Variants in RREB1 observed in about 807,000 individuals in gnomAD.
RREB1 encodes the protein ras-responsive element-binding protein 1.
Under a neutral mutation model 117.8 loss-of-function variants are expected in RREB1, and 27 were observed. The observed-to-expected ratio is 0.23, with a 90% CI of 0.17 to 0.32. The LOEUF (loss-of-function observed/expected upper bound fraction) is 0.32. RREB1 is among the 10% of genes least tolerant of loss of function. RREB1 has a pLI of 1.00. For synonymous variants in RREB1, 1,298 were observed against 1,026.7 expected, an observed-to-expected ratio of 1.26 and a Z score of -5.05; for missense variants, 2,577 against 2,378.2, an observed-to-expected ratio of 1.08 and a Z score of -1.74.
intron 6 of RREB1, among the ~76,000 whole-genome samples, chr6:7,203,481 C>T (rs6921580): frequency 6.6e-6 from 1 of 152,064 alleles, no homozygotes; most frequent in Non-Finnish European, 1.5e-5. Flanking sequence ...AGGAACTGCT[C>T]TCTCCAAATA....
rs201163655 is a variant in RREB1, at chr6:7,247,264, G to C, written c.4771+43G>C. The C allele has an allele frequency of 5.5e-5, 86 of 1,557,852 alleles. No homozygotes were observed. In the African/African-American group the frequency reaches 7.9e-4, roughly 14 times the overall value. ...GGTCCCCGGCCCAACAAGAGGAGGCGAGCCGGGCACCTCTCCTAGGAGCTC... is the reference window on the plus strand; with the variant it reads ...GGTCCCCGGCCCAACAAGAGGAGGCCAGCCGGGCACCTCTCCTAGGAGCTC... On this transcript the variant is annotated intron_variant, in intron 12 of 12. Transcript: ENST00000379938.
chr6:7,238,265 A>AGTCT (rs747637813), intron 10 of RREB1, among the ~76,000 whole-genome samples: 61 of 152,200 alleles, frequency 4.0e-4, no homozygotes, highest in African/African-American at 1.5e-3. Flanking sequence ...TTTGAGACAG[A>AGTCT]GTCTGTCTGT....
intron 1 of RREB1, among the ~76,000 whole-genome samples, chr6:7,108,859 G>A (rs1187608493): frequency 1.3e-5 from 2 of 151,462 alleles, no homozygotes; most frequent in Non-Finnish European, 3.0e-5. Context: ...GCCCTCGCGG[G>A]TTCCCGGCTG....
intron 6 of RREB1, among the ~76,000 whole-genome samples, chr6:7,200,169 C>G (rs977594700): frequency 6.6e-6 from 1 of 150,420 alleles, no homozygotes; most frequent in African/African-American, 2.5e-5. Flanking sequence ...ACAATCAGCA[C>G]AGCTTATTTT....
At chr6:7,243,820 T>G (rs985184958) in intron 11 of RREB1, among the ~76,000 whole-genome samples, 2 of 152,226 alleles carry the variant, frequency 1.3e-5, no homozygotes, top group African/African-American at 4.8e-5. Context: ...GTTTCAAAAT[T>G]TATTTTACTT....
At chr6:7,138,388 C>T (rs1386681328) in intron 1 of RREB1, among the ~76,000 whole-genome samples, 1 of 152,194 alleles carries the variant, frequency 6.6e-6, no homozygotes, top group Non-Finnish European at 1.5e-5. Flanking sequence ...AAGTTTCATT[C>T]TGAAGGATCT....
At chr6:7,200,595 G>GA (rs983662320) in intron 6 of RREB1, among the ~76,000 whole-genome samples, 89 of 152,260 alleles carry the variant, frequency 5.8e-4, no homozygotes, top group African/African-American at 1.9e-3. Flanking sequence ...AGAAATATTT[G>GA]AAAAACCTCT....
chr6:7,247,261 G>A (rs752140941), intron 12 of RREB1, 40 bp downstream of exon 12: 1 of 1,563,270 alleles, frequency 6.4e-7, no homozygotes, highest in South Asian at 1.2e-5. Context: ...AACAAGAGGA[G>A]GCGAGCCGGG....
At chr6:7,197,655 G>C (rs1276466353) in intron 6 of RREB1, among the ~76,000 whole-genome samples, 2 of 152,324 alleles carry the variant, frequency 1.3e-5, no homozygotes, top group East Asian at 3.9e-4. Flanking sequence ...AACAAAGCAA[G>C]ACTTTGCCTC....
rs1451175035 is a variant in RREB1 at position 7,230,584 on chromosome 6, G to T, written c.2485G>T (p.Asp829Tyr). The T allele has an allele frequency of 3.0e-5, 48 of 1,602,960 alleles. No homozygotes were observed. The highest frequency in any genetic ancestry group is 3.7e-5 in the Non-Finnish European group (43 of 1,175,850). ...CATCGAGAGCTACGTGCTGGCCGCC[G>T]ACGGCCTGGGCCCCGCAGAGGCGCC... ...QDIESYVLAA[D>Y]GLGPAEAPAA... Residue 829 changes from aspartate (D) to tyrosine (Y), a missense_variant, in exon 10 of 13, where the codon GAC (aspartate) becomes TAC (tyrosine). Transcript: ENST00000379938.
chr6:7,247,926 A>C (rs1769192392), intron 12 of RREB1, among the ~76,000 whole-genome samples: 1 of 152,196 alleles, frequency 6.6e-6, no homozygotes, highest in African/African-American at 2.4e-5. Flanking sequence ...TGCAGCCCGC[A>C]GTGAACACAT....
At chr6:7,220,005 C>A (rs987763672) in intron 8 of RREB1, among the ~76,000 whole-genome samples, 1 of 152,160 alleles carries the variant, frequency 6.6e-6, no homozygotes, top group Non-Finnish European at 1.5e-5. Context: ...AGCCCCAATT[C>A]CACACACCCC....
At chr6:7,166,692 G>A (rs1763945073) in intron 1 of RREB1, among the ~76,000 whole-genome samples, 1 of 152,196 alleles carries the variant, frequency 6.6e-6, no homozygotes, top group African/African-American at 2.4e-5. Context: ...TCAAACGCTT[G>A]TATCTTCCAC....
rs958394380 is a variant in RREB1, at chr6:7,126,600, G to A, written c.-285+18540G>A. ...TTTGAAACTAGTAACAGAGAATTAC[G>A]TCTTGTGTGCTACCAGCTCAGTTAT... On this transcript the variant is annotated intron_variant, in intron 1 of 12. Coordinates refer to ENST00000379938, the MANE Select transcript of RREB1 (RefSeq NM_001003699.4). 5.9e-5 allele frequency among the ~76,000 whole-genome samples: 9 copies of A among 152,140 alleles called. 1 individual carries two copies. Among genetic ancestry groups the A allele is most frequent in the Non-Finnish European group, 8.8e-5 (6 of 68,040 alleles).
chr6:7,235,326 C>A (rs549349447), intron 10 of RREB1, among the ~76,000 whole-genome samples: 7 of 152,320 alleles, frequency 4.6e-5, no homozygotes, highest in Middle Eastern at 6.8e-3. Flanking sequence ...GCTCTGCTGT[C>A]ACTCAGAACC....
At chr6:7,245,344 G>A (rs1179026717) in intron 11 of RREB1, among the ~76,000 whole-genome samples, 5 of 152,136 alleles carry the variant, frequency 3.3e-5, no homozygotes, top group Admixed American at 2.6e-4. Flanking sequence ...GCAGTGAGTG[G>A]AGATCACACC....
At position 7,231,896 on chromosome 6, in the gene RREB1, T is replaced by A. The variant is rs751829848; in HGVS notation, c.3797T>A (p.Leu1266His). Residue 1266 changes from leucine (L) to histidine (H), a missense_variant, in exon 10 of 13, where the codon CTC becomes CAC. Physicochemically the swap from Leu to His is moderately conservative, Grantham distance 99. Coordinates refer to ENST00000379938, the MANE Select transcript of RREB1 (RefSeq NM_001003699.4). Reference sequence around the variant, plus strand: ...GCCAGCTCCCTACAGAGGCACATGCTCACACACACTGGTAAGAGGGCCACC... The same window carrying A: ...GCCAGCTCCCTACAGAGGCACATGCACACACACACTGGTAAGAGGGCCACC... ...PWASSLQRHM[L>H]THTGQKPFPC... 6.3e-7 allele frequency: 1 copy of A among 1,598,974 alleles called. No homozygotes were observed. The highest frequency in any genetic ancestry group is 1.7e-5 in the Admixed American group (1 of 59,254).
At chr6:7,145,325 T>G (rs1481912392) in intron 1 of RREB1, among the ~76,000 whole-genome samples, 1 of 152,206 alleles carries the variant, frequency 6.6e-6, no homozygotes, top group Non-Finnish European at 1.5e-5. Context: ...TTCCCATAGT[T>G]TCTTGCTGGC....
chr6:7,200,244 ATG>A (rs70978945), intron 6 of RREB1, among the ~76,000 whole-genome samples: 7,466 of 128,764 alleles, frequency 0.058, 273 homozygotes, highest in Admixed American at 0.1. Context: ...ATGTGTGTAT[ATG>A]TGTGTGTGTG....
Sources: allele counts gnomAD v4.1 joint callset (sites outside exome capture counted in the v4.1 genomes callset), GRCh38; gene constraint gnomAD v4.1.1; transcripts MANE v1.5; gene names NCBI Gene and HGNC (gene_info 2026-07-23, HGNC 2026-07-21).